Variants in WWOX observed in about 807,000 individuals in gnomAD.
WWOX encodes WW domain containing oxidoreductase, also known as WW domain-containing oxidoreductase.
Under a neutral mutation model 46.2 loss-of-function variants are expected in WWOX, and 69 were observed. The observed-to-expected ratio is 1.49, with a 90% CI of 1.23 to 1.82. The LOEUF is 1.82. WWOX is among the 40% of genes most tolerant of loss of function. WWOX has a pLI of 0.00. For missense variants in WWOX, 919 were observed against 542.6 expected (o/e 1.69, Z -6.89); for synonymous variants, 359 against 202.6 (o/e 1.77, Z -6.56).
At chr16:78,577,315 A>T (rs1200989943) in intron 8 of WWOX, among the ~76,000 whole-genome samples, 1 of 152,164 alleles carries the variant, frequency 6.6e-6, no homozygotes, top group African/African-American at 2.4e-5. Context: ...GTGCAGGGCA[A>T]ATATATGTTT....
At chr16:78,522,167 G>A (rs1020228247) in intron 8 of WWOX, among the ~76,000 whole-genome samples, 2 of 148,598 alleles carry the variant, frequency 1.3e-5, no homozygotes, top group Admixed American at 6.7e-5. Context: ...AAAAACTTCA[G>A]AAGCTGATTT....
At chr16:78,113,172 C>G (rs1237063019) in intron 3 of WWOX, among the ~76,000 whole-genome samples, 1 of 152,092 alleles carries the variant, frequency 6.6e-6, no homozygotes, top group Non-Finnish European at 1.5e-5. Context: ...CCTGGGAATT[C>G]AATAAAAATG....
At chr16:78,374,575 G>A (rs931712363) in intron 5 of WWOX, among the ~76,000 whole-genome samples, 1 of 107,134 alleles carries the variant, frequency 9.3e-6, no homozygotes. Flanking sequence ...TTAAGGCAGA[G>A]TTTCTGTCTG....
At chr16:79,035,772 C>G (rs1230052748) in intron 8 of WWOX, among the ~76,000 whole-genome samples, 1 of 151,256 alleles carries the variant, frequency 6.6e-6, no homozygotes, top group Non-Finnish European at 1.5e-5. Flanking sequence ...CTCCTGATCT[C>G]AGGTGTTCCA....
chr16:78,546,942 C>T (rs1420121782), intron 8 of WWOX, among the ~76,000 whole-genome samples: 1 of 151,708 alleles, frequency 6.6e-6, no homozygotes, highest in Non-Finnish European at 1.5e-5. Flanking sequence ...GTCTGGGCAA[C>T]ATGGTGAAAC....
At chr16:78,590,242 C>T (rs906324673) in intron 8 of WWOX, among the ~76,000 whole-genome samples, 2 of 151,908 alleles carry the variant, frequency 1.3e-5, no homozygotes, top group Non-Finnish European at 1.5e-5. Context: ...AATTCAAGAT[C>T]AAGATGCAGA....
intron 8 of WWOX, among the ~76,000 whole-genome samples, chr16:78,724,832 T>C (rs984414212): frequency 1.3e-5 from 2 of 152,212 alleles, no homozygotes; most frequent in African/African-American, 4.8e-5. Context: ...CAGACATATC[T>C]CCATCTGATT....
chr16:79,060,297 C>A (rs992349870), intron 8 of WWOX, among the ~76,000 whole-genome samples: 3 of 152,228 alleles, frequency 2.0e-5, no homozygotes, highest in African/African-American at 7.2e-5. Context: ...TTGTGCCGGC[C>A]ACACTGTGAG....
intron 8 of WWOX, among the ~76,000 whole-genome samples, chr16:78,769,384 C>G (rs1245158094): frequency 1.3e-5 from 2 of 152,064 alleles, no homozygotes; most frequent in Non-Finnish European, 2.9e-5. Flanking sequence ...TCCTTCCTTC[C>G]TATCCAGTGC....
intron 5 of WWOX, among the ~76,000 whole-genome samples, chr16:78,337,244 C>G (rs950861528): frequency 3.3e-5 from 5 of 152,124 alleles, no homozygotes; most frequent in African/African-American, 1.2e-4. Flanking sequence ...AGGAATCCTG[C>G]AGACAGAATC....
intron 5 of WWOX, among the ~76,000 whole-genome samples, chr16:78,377,696 C>G (rs1211888045): frequency 1.3e-5 from 2 of 152,168 alleles, no homozygotes; most frequent in Admixed American, 6.5e-5. Context: ...TATTTTCGCT[C>G]TCTTATTAGT....
intron 8 of WWOX, among the ~76,000 whole-genome samples, chr16:78,868,641 TTC>T (rs1222568705): frequency 1.3e-5 from 2 of 152,186 alleles, no homozygotes; most frequent in Admixed American, 1.3e-4. Context: ...ATTAGACAAA[TTC>T]TGTTACTATC....
intron 8 of WWOX, among the ~76,000 whole-genome samples, chr16:78,986,354 G>C (rs993733718): frequency 1.3e-5 from 2 of 152,146 alleles, no homozygotes; most frequent in East Asian, 1.9e-4. Flanking sequence ...GCTTTATGAA[G>C]GCATATTCCT....
At chr16:78,538,503 T>G (rs74029537) in intron 8 of WWOX, among the ~76,000 whole-genome samples, 4,033 of 152,252 alleles carry the variant, frequency 0.026, 145 homozygotes, top group African/African-American at 0.085. Flanking sequence ...TCCGTGCCTT[T>G]GTCTGTAGCC....
At chr16:78,383,546 G>A (rs1769271290) in intron 5 of WWOX, among the ~76,000 whole-genome samples, 1 of 152,106 alleles carries the variant, frequency 6.6e-6, no homozygotes, top group Non-Finnish European at 1.5e-5. Context: ...TCGAAAAGGG[G>A]TTCCGTTTGC....
At chr16:78,875,115 G>C (rs983572534) in intron 8 of WWOX, among the ~76,000 whole-genome samples, 1 of 152,158 alleles carries the variant, frequency 6.6e-6, no homozygotes, top group African/African-American at 2.4e-5. Flanking sequence ...ATTCTGAAGA[G>C]GGTCTCGGGC....
intron 8 of WWOX, among the ~76,000 whole-genome samples, chr16:79,120,919 C>T (rs1326018455): frequency 2.0e-5 from 3 of 152,118 alleles, no homozygotes; most frequent in South Asian, 2.1e-4. Context: ...CAGGCGTGCG[C>T]CACCATGCCC....
chr16:78,143,670 A>G (rs1474363919), intron 4 of WWOX, among the ~76,000 whole-genome samples: 1 of 151,192 alleles, frequency 6.6e-6, no homozygotes, highest in Non-Finnish European at 1.5e-5. Context: ...TTCTGTTAAC[A>G]TGTTTCCTAT....
chr16:78,581,834 C>G (rs1320586211), intron 8 of WWOX, among the ~76,000 whole-genome samples: 1 of 152,128 alleles, frequency 6.6e-6, no homozygotes, highest in Admixed American at 6.6e-5. Context: ...GATTTCATAT[C>G]CTTTTATTTC....
Sources: gnomAD v4.1 joint callset for allele counts (sites outside exome capture counted in the v4.1 genomes callset) on GRCh38, gnomAD v4.1.1 for gene constraint, MANE v1.5 for transcripts, NCBI Gene and HGNC (gene_info 2026-07-23, HGNC 2026-07-21) for gene names.